SLC25A26: variants seen among roughly 807,000 people sequenced by gnomAD.
SLC25A26 encodes the protein mitochondrial S-adenosylmethionine carrier protein.
A neutral mutation model predicts 37.8 loss-of-function variants in SLC25A26; 36 were observed. The ratio of observed to expected loss-of-function variants is 0.95; its 90% confidence interval spans 0.73 to 1.26. SLC25A26 has a LOEUF of 1.26. SLC25A26 is among the 50% of genes most tolerant of loss of function. SLC25A26 has a pLI of 0.00. For synonymous variants in SLC25A26, 129 were observed against 122.5 expected (o/e 1.05, Z -0.35); for missense variants, 390 against 331.1 (o/e 1.18, Z -1.38).
chr3:66,346,920 C>T (rs1380461590), intron 6 of SLC25A26, among the ~76,000 whole-genome samples: 1 of 152,050 alleles, frequency 6.6e-6, no homozygotes, highest in Non-Finnish European at 1.5e-5. Context: ...TCCCTTCCGT[C>T]TTGGTTGCTC....
chr3:66,309,664 C>T (rs1323786321), intron 5 of SLC25A26, among the ~76,000 whole-genome samples: 3 of 152,130 alleles, frequency 2.0e-5, no homozygotes, highest in Non-Finnish European at 4.4e-5. Flanking sequence ...TCCCTCTAAA[C>T]ACTGCTTTAA....
chr3:66,261,384 C>T (rs1422298426), intron 3 of SLC25A26, among the ~76,000 whole-genome samples: 1 of 152,076 alleles, frequency 6.6e-6, no homozygotes, highest in African/African-American at 2.4e-5. Context: ...AAGTAAATTA[C>T]CTTAATATAG....
chr3:66,305,899 A>G (rs940896626), intron 5 of SLC25A26, among the ~76,000 whole-genome samples: 1 of 152,144 alleles, frequency 6.6e-6, no homozygotes. Flanking sequence ...CAATGGTTGA[A>G]CTAATTTACA....
intron 1 of SLC25A26, among the ~76,000 whole-genome samples, chr3:66,150,434 G>T (rs1168432806): frequency 6.7e-6 from 1 of 148,226 alleles, no homozygotes; most frequent in Non-Finnish European, 1.5e-5. Flanking sequence ...GGAGGCGGAG[G>T]TTGCAGTGAG....
At chr3:66,196,679 A>G (rs1184847995) in intron 1 of SLC25A26, among the ~76,000 whole-genome samples, 1 of 149,080 alleles carries the variant, frequency 6.7e-6, no homozygotes, top group Non-Finnish European at 1.5e-5. Flanking sequence ...AAATTAAATT[A>G]TTATGTGAAT....
chr3:66,303,666 T>G (rs2075136774), intron 5 of SLC25A26, among the ~76,000 whole-genome samples: 1 of 152,208 alleles, frequency 6.6e-6, no homozygotes, highest in Admixed American at 6.5e-5. Flanking sequence ...ATTGTTAGCT[T>G]TCTGTTGCTG....
intron 5 of SLC25A26, among the ~76,000 whole-genome samples, chr3:66,296,344 T>C (rs1037760656): frequency 1.4e-4 from 22 of 152,336 alleles, no homozygotes; most frequent in Admixed American, 9.8e-4. Flanking sequence ...TGGTTTAGAG[T>C]ACATCAAACA....
intron 1 of SLC25A26, among the ~76,000 whole-genome samples, chr3:66,174,804 A>AG (rs1188484812): frequency 9.7e-5 from 13 of 133,860 alleles, no homozygotes; most frequent in African/African-American, 4.0e-4. Context: ...AAAAAGAAAA[A>AG]AAAAAAAAGA....
intron 5 of SLC25A26, among the ~76,000 whole-genome samples, chr3:66,318,736 A>C (rs2075611220): frequency 6.6e-6 from 1 of 151,894 alleles, no homozygotes; most frequent in Non-Finnish European, 1.5e-5. Flanking sequence ...ATCATAGCTC[A>C]CTACAGCCTC....
At chr3:66,182,406 C>A (rs1039009560) in intron 1 of SLC25A26, among the ~76,000 whole-genome samples, 7 of 152,054 alleles carry the variant, frequency 4.6e-5, no homozygotes, top group African/African-American at 7.3e-5. Flanking sequence ...AGAGTTATGG[C>A]AATTCCCAAT....
At chr3:66,230,022 C>T (rs2071937503) in intron 1 of SLC25A26, among the ~76,000 whole-genome samples, 1 of 152,206 alleles carries the variant, frequency 6.6e-6, no homozygotes, top group Middle Eastern at 3.2e-3. Flanking sequence ...TTTTGATTGT[C>T]ACACATGCTG....
chr3:66,184,300 A>C (rs372436237), intron 1 of SLC25A26, among the ~76,000 whole-genome samples: 1 of 151,988 alleles, frequency 6.6e-6, no homozygotes, highest in African/African-American at 2.4e-5. Context: ...CATGACCCTG[A>C]TGAAGCTATG....
intron 1 of SLC25A26, among the ~76,000 whole-genome samples, chr3:66,188,363 C>G (rs2070870569): frequency 6.6e-6 from 1 of 152,108 alleles, no homozygotes. Context: ...GAGGTGGGGT[C>G]TAGTGTAGGT....
intron 7 of SLC25A26, among the ~76,000 whole-genome samples, chr3:66,367,280 G>A (rs2076844023): frequency 6.6e-6 from 1 of 152,150 alleles, no homozygotes; most frequent in Admixed American, 6.5e-5. Context: ...GAAAACTGAG[G>A]CCACTAGGAG....
At chr3:66,248,932 C>G (rs1029362300) in intron 3 of SLC25A26, among the ~76,000 whole-genome samples, 3 of 152,152 alleles carry the variant, frequency 2.0e-5, no homozygotes, top group African/African-American at 7.2e-5. Context: ...GATTGTGCAA[C>G]TCACCAATAT....
intron 1 of SLC25A26, among the ~76,000 whole-genome samples, chr3:66,177,492 T>G (rs1176656658): frequency 1.3e-5 from 2 of 152,184 alleles, no homozygotes. Flanking sequence ...ACTCACCCTT[T>G]GAGCTACTGA....
intron 1 of SLC25A26, among the ~76,000 whole-genome samples, chr3:66,192,659 G>A (rs997404245): frequency 6.6e-6 from 1 of 152,134 alleles, no homozygotes; most frequent in Non-Finnish European, 1.5e-5. Context: ...AGTCCTTATT[G>A]CTTCTCAGAG....
rs1575593308 is a variant in SLC25A26 at position 66,346,257 on chromosome 3, T to C, written c.454-107T>C. The C allele has an allele frequency of 5.4e-5, 30 of 560,656 alleles. 1 individual carries two copies. In the South Asian group the frequency reaches 8.6e-4, roughly 16 times the overall value. 34.7% of individuals were successfully genotyped at this position (560,656 alleles called of 1,614,324 possible). A position where few individuals can be genotyped will look rare whatever the true frequency, so the allele number is the denominator to read the frequency against. ...ACTATAACTGTGAATTTGTTTGATATTAGCTTTGTTATAAAGTTGAAATAA... is the reference window on the plus strand; with the variant it reads ...ACTATAACTGTGAATTTGTTTGATACTAGCTTTGTTATAAAGTTGAAATAA... On this transcript the variant is annotated intron_variant, in intron 5 of 9. Coordinates refer to ENST00000354883, the MANE Select transcript of SLC25A26 (RefSeq NM_001379210.1).
chr3:66,335,473 C>T (rs1204523109), intron 5 of SLC25A26, among the ~76,000 whole-genome samples: 3 of 152,154 alleles, frequency 2.0e-5, no homozygotes, highest in African/African-American at 7.2e-5. Flanking sequence ...ATTCTGCTCT[C>T]AACACACTGT....
Sources: allele counts gnomAD v4.1 joint callset (sites outside exome capture counted in the v4.1 genomes callset), GRCh38; gene constraint gnomAD v4.1.1; transcripts MANE v1.5; gene names NCBI Gene and HGNC (gene_info 2026-07-23, HGNC 2026-07-21).